BRDT: variants seen among roughly 807,000 people sequenced by gnomAD.
BRDT encodes bromodomain testis-specific protein.
Under a neutral mutation model 113.9 loss-of-function variants are expected in BRDT, and 77 were observed. That is an observed-to-expected ratio of 0.68 (90% CI 0.56 to 0.82). The LOEUF (loss-of-function observed/expected upper bound fraction) is 0.82, where lower values mean the gene tolerates loss of function less well. BRDT is among the 40% of genes least tolerant of loss of function. BRDT has a pLI of 0.00. For missense variants in BRDT, 1,027 were observed against 1,105.4 expected (o/e 0.93, Z 1.01); for synonymous variants, 358 against 366.5 (o/e 0.98, Z 0.26).
At position 91,991,880 on chromosome 1, in the gene BRDT, T is replaced by A. The variant is rs545884992; in HGVS notation, c.2065-384T>A. 1.4e-3 allele frequency among the ~76,000 whole-genome samples: 217 copies of A among 150,304 alleles called. 2 individuals are homozygous for A. Among genetic ancestry groups the A allele is most frequent in the African/African-American group, 4.9e-3 (202 of 40,926 alleles). On this transcript the variant is annotated intron_variant, in intron 13 of 18. Transcript: ENST00000399546. ...GGCGCCATGCGCCTGTAATCCCAGCTACTTGGGAGGCTGAGGCAGGAGGAT... is the reference window on the plus strand; with the variant it reads ...GGCGCCATGCGCCTGTAATCCCAGCAACTTGGGAGGCTGAGGCAGGAGGAT...
intron 12 of BRDT, among the ~76,000 whole-genome samples, chr1:91,984,007 A>C (rs1238046420): frequency 6.6e-6 from 1 of 152,234 alleles, no homozygotes; most frequent in Non-Finnish European, 1.5e-5. Flanking sequence ...CTACATTATA[A>C]ATAGTGTACA....
rs58057277 is a variant in BRDT at position 91,956,307 on chromosome 1, GCC to G, written c.-37-6403_-37-6402del. ...GAGTTTGGTTATCATGGTTCTTCCTGCCCCCCCCCACCCCCTGCCTGCTTTTC... is the reference window on the plus strand; with the variant it reads ...GAGTTTGGTTATCATGGTTCTTCCTGCCCCCCCACCCCCTGCCTGCTTTTC... On this transcript the variant is annotated intron_variant, in intron 1 of 18. Coordinates refer to ENST00000399546, the MANE Select transcript of BRDT (RefSeq NM_207189.4). 2.6e-4 allele frequency among the ~76,000 whole-genome samples: 39 copies of G among 149,330 alleles called. No individual in the cohort carries two copies. In the South Asian group the frequency reaches 3.0e-3, roughly 11 times the overall value.
intron 1 of BRDT, among the ~76,000 whole-genome samples, chr1:91,955,066 A>G (rs1445068002): frequency 6.6e-6 from 1 of 152,166 alleles, no homozygotes; most frequent in Non-Finnish European, 1.5e-5. Flanking sequence ...TTAAGGTGGC[A>G]TATTGGAATG....
chr1:91,984,329 T>A (rs556755980), intron 12 of BRDT, among the ~76,000 whole-genome samples: 2 of 152,106 alleles, frequency 1.3e-5, no homozygotes, highest in East Asian at 3.9e-4. Context: ...TTTACTTCCC[T>A]GGGAACAACA....
intron 12 of BRDT, among the ~76,000 whole-genome samples, chr1:91,983,989 A>T (rs1171636585): frequency 6.6e-6 from 1 of 152,210 alleles, no homozygotes; most frequent in Non-Finnish European, 1.5e-5. Flanking sequence ...AAGTTTTTAT[A>T]TTTGAACCTA....
chr1:91,994,548 C>T (rs1027113119), intron 15 of BRDT, among the ~76,000 whole-genome samples: 2 of 152,086 alleles, frequency 1.3e-5, no homozygotes, highest in Admixed American at 1.3e-4. Context: ...TTCCATGACA[C>T]CTATCTGGGT....
intron 12 of BRDT, among the ~76,000 whole-genome samples, chr1:91,983,810 T>C (rs1684944059): frequency 6.6e-6 from 1 of 152,072 alleles, no homozygotes; most frequent in African/African-American, 2.4e-5. Flanking sequence ...GTCTCCCAAG[T>C]AGCTGGGATT....
chr1:91,981,848 C>T lies in BRDT; in HGVS notation c.2002+93C>T, dbSNP rs1224632683. On this transcript the variant is annotated intron_variant, in intron 12 of 18. Coordinates refer to ENST00000399546, the MANE Select transcript of BRDT (RefSeq NM_207189.4). ...TTTTGAAGAAATATTTGTTACTTAC[C>T]CAGAATCCATGGTTTGTATATCATG... 1.5e-5 allele frequency: 21 copies of T among 1,405,780 alleles called. No homozygotes were observed. The East Asian group carries it at 5.1e-4, about 34-fold the overall frequency. The allele number at this position is 1,405,780 out of a possible 1,614,324, so 87.1% of individuals were successfully genotyped here.
chr1:91,998,735 C>G (rs1686578000), intron 15 of BRDT, among the ~76,000 whole-genome samples: 1 of 151,996 alleles, frequency 6.6e-6, no homozygotes, highest in Admixed American at 6.6e-5. Flanking sequence ...ACATATTTTA[C>G]AGAATGAGTA....
rs149551222 is a variant in BRDT, at chr1:91,976,250, G to C, written c.446-16G>C. 7.5e-4 allele frequency: 1,172 copies of C among 1,566,968 alleles called. 12 individuals are homozygous for C. In the African/African-American group the frequency reaches 0.015, roughly 20 times the overall value. ...TTATTCATTCATATATTTGATTCTG[G>C]CTCATACTTTTCCAGGCACTCAACA... is the stretch of plus-strand genomic sequence containing the variant. On this transcript the variant is annotated splice_polypyrimidine_tract_variant and intron_variant, in intron 4 of 18. Transcript: ENST00000399546.
At chr1:92,009,758 A>G (rs1218035001) in intron 18 of BRDT, among the ~76,000 whole-genome samples, 1 of 151,480 alleles carries the variant, frequency 6.6e-6, no homozygotes, top group African/African-American at 2.4e-5. Context: ...TTTTGTAGAG[A>G]CAAAGTCTCA....
chr1:92,009,493 A>G (rs2101831203), intron 18 of BRDT, among the ~76,000 whole-genome samples: 1 of 151,506 alleles, frequency 6.6e-6, no homozygotes, highest in Middle Eastern at 3.5e-3. Flanking sequence ...ACGTATGGCA[A>G]TTAAGAATAA....
At chr1:92,002,877 C>T (rs1686984027) in intron 16 of BRDT, among the ~76,000 whole-genome samples, 1 of 152,138 alleles carries the variant, frequency 6.6e-6, no homozygotes, top group African/African-American at 2.4e-5. Flanking sequence ...GATTGGGATA[C>T]ATTAAGATAC....
intron 15 of BRDT, among the ~76,000 whole-genome samples, chr1:91,996,615 G>A (rs1407944705): frequency 6.6e-6 from 1 of 152,208 alleles, no homozygotes; most frequent in Non-Finnish European, 1.5e-5. Flanking sequence ...ATGCTCTGAT[G>A]TAGTTAGGAT....
At chr1:91,959,442 A>G (rs1380655518) in intron 1 of BRDT, among the ~76,000 whole-genome samples, 3 of 136,040 alleles carry the variant, frequency 2.2e-5, no homozygotes, top group African/African-American at 8.4e-5. Flanking sequence ...TTTTTATTTT[A>G]CAGGTGAGGT....
In BRDT at chr1:91,977,248, A is replaced by T. The variant is rs774622302; in HGVS notation, c.824A>T (p.His275Leu). ...KTVKVTEQLRHCSEILKEMLA... is the reference protein window; with the variant it reads ...KTVKVTEQLRLCSEILKEMLA... ...GTTAAAGTAACTGAACAATTAAGGC[A>T]CTGTAGTGAGATTCTTAAAGAAATG... The change falls in exon 6 of 19, where the codon CAC (histidine) becomes CTC (leucine). Residue 275 changes from histidine (H) to leucine (L), a missense_variant. By Grantham distance (99) the His-to-Leu change is moderately conservative. Transcript: ENST00000399546. 2 of 1,614,094 alleles carry T rather than the reference A, an allele frequency of 1.2e-6. No individual in the cohort carries two copies. The highest frequency in any genetic ancestry group is 2.2e-5 in the South Asian group (2 of 91,066).
At chr1:91,999,653 A>G (rs1686661032) in intron 15 of BRDT, among the ~76,000 whole-genome samples, 2 of 152,190 alleles carry the variant, frequency 1.3e-5, no homozygotes, top group African/African-American at 4.8e-5. Context: ...GCAGGTGGCC[A>G]TACATTGATC....
rs1301014247 is a variant in BRDT at position 91,994,847 on chromosome 1, G to A, written c.2287+593G>A. Among the ~76,000 whole-genome samples, 4 of 109,642 alleles carry A rather than the reference G, an allele frequency of 3.6e-5. No homozygotes were observed. In the East Asian group the frequency reaches 8.0e-4, roughly 22 times the overall value. The allele number at this position is 109,642 out of a possible 152,430, so 71.9% of individuals were successfully genotyped here. ...CCCGCCACTGCACTCCAGCCTGGGCGACAGAGCAAGACTCCGTCTCAAAAA... is the reference window on the plus strand; with the variant it reads ...CCCGCCACTGCACTCCAGCCTGGGCAACAGAGCAAGACTCCGTCTCAAAAA... On this transcript the variant is annotated intron_variant, in intron 15 of 18. Coordinates refer to ENST00000399546, the MANE Select transcript of BRDT (RefSeq NM_207189.4).
At position 91,978,233 on chromosome 1, in the gene BRDT, C is replaced by G; in HGVS notation, c.1035C>G (p.Phe345Leu). The change falls in exon 7 of 19, where the codon TTC (phenylalanine) becomes TTG (leucine). Residue 345 changes from phenylalanine (F) to leucine (L), a missense_variant. Physicochemically the swap from Phe to Leu is conservative, Grantham distance 22. Coordinates refer to ENST00000399546, the MANE Select transcript of BRDT (RefSeq NM_207189.4). Reference sequence around the variant, plus strand: ...TTGCGGCAGATGTTAGATTAATGTTCATGAATTGCTACAAGTACAATCCTC... The same window carrying G: ...TTGCGGCAGATGTTAGATTAATGTTGATGAATTGCTACAAGTACAATCCTC... ...YKFAADVRLM[F>L]MNCYKYNPPD... 1 of 1,613,968 alleles carries G rather than the reference C, an allele frequency of 6.2e-7. No individual in the cohort carries two copies.
Sources: gnomAD v4.1 joint callset for allele counts (sites outside exome capture counted in the v4.1 genomes callset) on GRCh38, gnomAD v4.1.1 for gene constraint, MANE v1.5 for transcripts, NCBI Gene and HGNC (gene_info 2026-07-23, HGNC 2026-07-21) for gene names.